PALB2: variants seen among roughly 807,000 people sequenced by gnomAD.
PALB2 encodes the protein mutant partner and localizer of BRCA2.
Under a neutral mutation model 107.4 loss-of-function variants are expected in PALB2, and 82 were observed. That is an observed-to-expected ratio of 0.76 (90% confidence interval 0.64 to 0.92). The LOEUF is 0.92. Among genes scored for constraint, PALB2 ranks in the 40% least tolerant of loss-of-function variants. The pLI is 0.00. For synonymous variants in PALB2, 489 were observed against 496.8 expected (o/e 0.98, Z 0.21); for missense variants, 1,374 against 1,379.9 (o/e 1.00, Z 0.07).
In PALB2 at chr16:23,623,595, CCT is replaced by C. The variant is rs554532423; in HGVS notation, c.2834+412_2834+413del. On this transcript the variant is annotated intron_variant, in intron 8 of 12. Transcript: ENST00000261584. ...GTGGCACGATCTTAGCTCACTGCAACCTCTGTTTCCCGGGTTCAGGCAATTCT... is the reference window on the plus strand; with the variant it reads ...GTGGCACGATCTTAGCTCACTGCAACCTGTTTCCCGGGTTCAGGCAATTCT... 2.2e-3 allele frequency among the ~76,000 whole-genome samples: 312 copies of C among 142,084 alleles called. 4 individuals carry two copies. The highest frequency in any genetic ancestry group is 4.3e-3 in the Middle Eastern group (1 of 234). 93.2% of individuals were successfully genotyped at this position (142,084 alleles called of 152,430 possible). A position where few individuals can be genotyped will look rare whatever the true frequency, so the allele number is the denominator to read the frequency against.
intron 4 of PALB2, 143 bp downstream of exon 4, chr16:23,634,719 C>T: frequency 9.7e-7 from 1 of 1,035,234 alleles, no homozygotes; most frequent in South Asian, 1.5e-5. Context: ...TCCTCAGCCT[C>T]CCAAAGTGCT....
intron 4 of PALB2, among the ~76,000 whole-genome samples, chr16:23,631,819 T>C (rs1303476971): frequency 6.6e-6 from 1 of 152,188 alleles, no homozygotes; most frequent in Admixed American, 6.5e-5. Flanking sequence ...TAGTCCCCTT[T>C]TGAAGCAAAG....
chr16:23,615,627 A>C (rs1388392955), intron 10 of PALB2, among the ~76,000 whole-genome samples: 1 of 150,474 alleles, frequency 6.6e-6, no homozygotes, highest in East Asian at 2.0e-4. Context: ...TTGATGAAAA[A>C]CTTTCAGTTG....
intron 8 of PALB2, 140 bp downstream of exon 8, chr16:23,623,869 T>C: frequency 1.5e-6 from 1 of 647,172 alleles, no homozygotes; most frequent in Non-Finnish European, 2.7e-6. Flanking sequence ...ATTCTATTGA[T>C]TTTTTTTTAA....
Position 23,606,154 on chromosome 16 carries a change from C to G in PALB2, c.3350+1710G>C, listed in dbSNP as rs908017545. 2.6e-5 allele frequency among the ~76,000 whole-genome samples: 4 copies of G among 151,936 alleles called. No individual in the cohort carries two copies. In the South Asian group the frequency reaches 8.3e-4, roughly 31 times the overall value. ...CTTTATCTTTAATCTCTAGGGCCAA[C>G]GACTATCGTTCTCTCTTCAAATCCA... On this transcript the variant is annotated intron_variant, in intron 12 of 12. Transcript: ENST00000261584.
At chr16:23,625,925 G>T (rs955236085) in intron 7 of PALB2, among the ~76,000 whole-genome samples, 4 of 152,048 alleles carry the variant, frequency 2.6e-5, no homozygotes, top group Admixed American at 6.6e-5. Flanking sequence ...AAACTGCAGT[G>T]AGCCGTGATC....
At chr16:23,620,175 G>A (rs186737220) in intron 10 of PALB2, among the ~76,000 whole-genome samples, 5 of 152,306 alleles carry the variant, frequency 3.3e-5, no homozygotes, top group Admixed American at 2.6e-4. Context: ...CGTTCTTTCA[G>A]TCTTACCTGA....
chr16:23,628,620 C>T (rs527526558), intron 6 of PALB2, among the ~76,000 whole-genome samples: 29 of 152,222 alleles, frequency 1.9e-4, no homozygotes, highest in Middle Eastern at 3.4e-3. Context: ...CATTTCACTC[C>T]GTCAAAATGC....
chr16:23,622,966 T>G lies in PALB2; in HGVS notation c.2996+3A>C, dbSNP rs876659931. On this transcript the variant is annotated splice_donor_region_variant and intron_variant, in intron 9 of 12. Transcript: ENST00000261584. ...GTTAAAAATCAATCAATGCTTTTCT[T>G]ACCCTCCATCTTCTGCAAACGTCAT... The G allele has an allele frequency of 6.2e-7, 1 of 1,614,012 alleles. No individual in the cohort carries two copies. Among genetic ancestry groups the G allele is most frequent in the Non-Finnish European group, 8.5e-7 (1 of 1,180,008 alleles).
intron 1 of PALB2, chr16:23,640,749 A>C: frequency 3.5e-6 from 1 of 287,736 alleles, no homozygotes; most frequent in East Asian, 5.4e-5. Context: ...ACCCACATTA[A>C]CACACGAAAG....
At chr16:23,614,171 G>T in intron 10 of PALB2, 80 bp from the exon 11 acceptor site, 1 of 1,030,726 alleles carries the variant, frequency 9.7e-7, no homozygotes, top group Non-Finnish European at 1.5e-6. Flanking sequence ...ATTCATCATA[G>T]CATGTCTTAG....
At chr16:23,629,435 G>C (rs1462051080) in intron 5 of PALB2, among the ~76,000 whole-genome samples, 160 bp from the exon 6 acceptor site, 1 of 152,172 alleles carries the variant, frequency 6.6e-6, no homozygotes, top group Non-Finnish European at 1.5e-5. Context: ...AAAGAGAATA[G>C]GACCTCCCAT....
At chr16:23,630,843 C>T (rs1966870151) in intron 4 of PALB2, among the ~76,000 whole-genome samples, 1 of 152,054 alleles carries the variant, frequency 6.6e-6, no homozygotes, top group African/African-American at 2.4e-5. Flanking sequence ...GGTATGGTAG[C>T]TCACAGCTGT....
rs1060502802 is a variant in PALB2 at position 23,607,947 on chromosome 16, C to CACA, written c.3264_3266dup (p.Val1089dup). The CACA allele has an allele frequency of 6.2e-7, 1 of 1,614,130 alleles. No individual in the cohort carries two copies. On this transcript the variant is annotated inframe_insertion, in exon 12 of 13. Coordinates refer to ENST00000261584, the MANE Select transcript of PALB2 (RefSeq NM_024675.4). ...TAGGGTTAATCACAATGAGCTGAAA[C>CACA]ACAGGGCTTCGCAACGACTCACTCT...
In PALB2 at chr16:23,641,081, T is replaced by C. The variant is rs748522775; in HGVS notation, c.48+29A>G. Reference sequence around the variant, plus strand: ...CCCTGGGAAAGCGGGGTCAGAGTCCTGCGTCCGCCCTTCCCGCACCCCCGG... The same window carrying C: ...CCCTGGGAAAGCGGGGTCAGAGTCCCGCGTCCGCCCTTCCCGCACCCCCGG... On this transcript the variant is annotated intron_variant, in intron 1 of 12. Coordinates refer to ENST00000261584, the MANE Select transcript of PALB2 (RefSeq NM_024675.4). The C allele has an allele frequency of 3.5e-5, 57 of 1,611,012 alleles. No homozygotes were observed. The Middle Eastern group carries it at 3.2e-3, about 89-fold the overall frequency.
chr16:23,622,880 A>G, intron 9 of PALB2, 89 bp downstream of exon 9: 1 of 1,474,856 alleles, frequency 6.8e-7, no homozygotes, highest in Non-Finnish European at 9.5e-7. Context: ...GCACAGAAAA[A>G]CGAGATCCTA....
rs62625278 is a variant in PALB2, at chr16:23,629,924, C to T, written c.2230G>A (p.Glu744Lys). The change falls in exon 5 of 13, where the codon GAA becomes AAA. Residue 744 changes from glutamate (E) to lysine (K), a missense_variant. Physicochemically the swap from Glu to Lys is moderately conservative, Grantham distance 56. Transcript: ENST00000261584. Reference protein sequence around the residue: ...TPAFGPQGSYEKASTEVAGRT... With the variant: ...TPAFGPQGSYKKASTEVAGRT... ...CCAGCAACTTCTGTAGATGCTTTTT[C>T]ATAGGAGCCTTGAGGGCCAAAGGCT... 23 of 1,614,140 alleles carry T rather than the reference C, an allele frequency of 1.4e-5. No homozygotes were observed. The South Asian group carries it at 2.2e-4, about 15-fold the overall frequency.
chr16:23,635,647 G>A lies in PALB2; in HGVS notation c.899C>T (p.Thr300Ile), dbSNP rs528541334. The change falls in exon 4 of 13, where the codon ACA becomes ATA. Residue 300 changes from threonine to isoleucine, a missense_variant. Physicochemically the swap from Thr to Ile is moderately conservative, Grantham distance 89. Transcript: ENST00000261584. ...EAQGKKMTVSTDNLLVNKAIS... is the reference protein window; with the variant it reads ...EAQGKKMTVSIDNLLVNKAIS... ...AGCTTTATTTACAAGGAGGTTATCT[G>A]TAGAGACAGTCATTTTTTTGCCTTG... 258 of 1,614,068 alleles carry A rather than the reference G, an allele frequency of 1.6e-4. 3 individuals are homozygous for A. The South Asian group carries it at 2.6e-3, about 16-fold the overall frequency.
chr16:23,636,823 A>AT (rs966359863), intron 3 of PALB2, among the ~76,000 whole-genome samples: 2 of 152,180 alleles, frequency 1.3e-5, no homozygotes, highest in African/African-American at 4.8e-5. Context: ...AGTAATTTTA[A>AT]TAACACTCCC....
Sources: allele counts gnomAD v4.1 joint callset (sites outside exome capture counted in the v4.1 genomes callset), GRCh38; gene constraint gnomAD v4.1.1; transcripts MANE v1.5; gene names NCBI Gene and HGNC (gene_info 2026-07-23, HGNC 2026-07-21).